Variants in ATP2B1 observed in about 807,000 individuals in gnomAD.
The protein encoded by ATP2B1 is plasma membrane calcium-transporting ATPase 1.
ATP2B1 carries 14 observed loss-of-function variants against 124.2 expected under a neutral mutation model. That is an observed-to-expected ratio of 0.11 (90% CI 0.07 to 0.18). The LOEUF (loss-of-function observed/expected upper bound fraction) is 0.18, where lower values mean the gene tolerates loss of function less well. Ranked by LOEUF, ATP2B1 falls within the 10% of genes least tolerant of loss-of-function variation. ATP2B1 has a pLI of 1.00. For missense variants in ATP2B1, 763 were observed against 1,466.1 expected (o/e 0.52, Z 7.83); for synonymous variants, 449 against 492.4 (o/e 0.91, Z 1.17).
chr12:89,653,366 G>A (rs1210628263), intron 2 of ATP2B1, among the ~76,000 whole-genome samples: 5 of 137,966 alleles, frequency 3.6e-5, no homozygotes, highest in South Asian at 4.5e-4. Context: ...GCGCAATCTC[G>A]GCTCACTGCA....
At chr12:89,680,807 A>T (rs985245673) in intron 1 of ATP2B1, among the ~76,000 whole-genome samples, 6 of 151,644 alleles carry the variant, frequency 4.0e-5, no homozygotes, top group Non-Finnish European at 7.4e-5. Flanking sequence ...TTTAAAGATT[A>T]AAAAAAAATC....
intron 1 of ATP2B1, among the ~76,000 whole-genome samples, chr12:89,672,466 C>A (rs1888113236): frequency 6.6e-6 from 1 of 152,080 alleles, no homozygotes; most frequent in South Asian, 2.1e-4. Context: ...AAAATAAAAA[C>A]AATTTTAAAA....
At chr12:89,634,556 T>G (rs902463893) in intron 5 of ATP2B1, among the ~76,000 whole-genome samples, 1 of 152,210 alleles carries the variant, frequency 6.6e-6, no homozygotes, top group Non-Finnish European at 1.5e-5. Flanking sequence ...CTTGATTTTT[T>G]GGACTCTGGT....
In ATP2B1 at chr12:89,590,263, T is replaced by C. The variant is rs188331243; in HGVS notation, c.*721A>G. 7.1e-4 allele frequency: 108 copies of C among 152,638 alleles called. No homozygotes were observed. Among genetic ancestry groups the C allele is most frequent in the African/African-American group, 2.4e-3 (100 of 41,556 alleles). 9.5% of individuals were successfully genotyped at this position (152,638 alleles called of 1,614,324 possible). ...TGTCATAACTTCATTAGAACACCAC[T>C]GCTCATGTTTTTTTGTTTTGTTTTG... On this transcript the variant is annotated 3_prime_UTR_variant, in exon 21 of 21. Transcript: ENST00000428670.
intron 12 of ATP2B1, among the ~76,000 whole-genome samples, chr12:89,613,363 C>T (rs1305602572): frequency 6.6e-6 from 1 of 152,118 alleles, no homozygotes; most frequent in East Asian, 1.9e-4. Flanking sequence ...TTAAGATTTA[C>T]ATCATAAAAG....
intron 1 of ATP2B1, among the ~76,000 whole-genome samples, chr12:89,675,200 TGAAAAAGGGAAAAGA>T (rs1888459777): frequency 6.6e-6 from 1 of 152,130 alleles, no homozygotes; most frequent in South Asian, 2.1e-4. Context: ...ACACAAAGAC[TGAAAAAGGGAAAAGA>T]TCCCGTCTAG....
chr12:89,629,847 G>C lies in ATP2B1; in HGVS notation c.928+658C>G, dbSNP rs1881562380. 1.3e-5 allele frequency among the ~76,000 whole-genome samples: 2 copies of C among 152,218 alleles called. 1 individual carries two copies. Among genetic ancestry groups the C allele is most frequent in the South Asian group, 4.1e-4 (2 of 4,822 alleles). On this transcript the variant is annotated intron_variant, in intron 6 of 20. Transcript: ENST00000428670. ...CAGACACTTAGAAGCAGGGTGGGGA[G>C]GGCTTTTTAAAAGTGGCATGCCCCT...
intron 6 of ATP2B1, 48 bp from the exon 7 acceptor site, chr12:89,627,764 A>T: frequency 6.4e-7 from 1 of 1,572,666 alleles, no homozygotes; most frequent in Non-Finnish European, 8.7e-7. Flanking sequence ...AAATGAATAC[A>T]GCCATGCTAA....
intron 2 of ATP2B1, among the ~76,000 whole-genome samples, chr12:89,654,138 C>G (rs1456293076): frequency 2.0e-5 from 3 of 152,180 alleles, no homozygotes; most frequent in Non-Finnish European, 4.4e-5. Context: ...TATATAACAT[C>G]TCAAAGTCGG....
intron 20 of ATP2B1, among the ~76,000 whole-genome samples, chr12:89,592,593 G>A (rs1198345466): frequency 1.3e-5 from 2 of 151,988 alleles, no homozygotes; most frequent in Non-Finnish European, 2.9e-5. Context: ...AGAGAGTACA[G>A]CATAGTCAAC....
chr12:89,603,693 T>C lies in ATP2B1; in HGVS notation c.2848+19A>G, dbSNP rs1448945250. ...AAAGAAACAATTAACTGAAGCTTTA[T>C]TAGACACTGAATTCTTACCAGCAAA... On this transcript the variant is annotated intron_variant, in intron 17 of 20. Transcript: ENST00000428670. The surrounding 1 kb of genome is among the most constrained non-coding windows in gnomAD (Gnocchi z 4.3). The C allele has an allele frequency of 1.3e-6, 2 of 1,599,150 alleles. No individual in the cohort carries two copies. Among genetic ancestry groups the C allele is most frequent in the Non-Finnish European group, 1.7e-6 (2 of 1,166,492 alleles).
rs547064695 is a variant in ATP2B1, at chr12:89,603,957, A to C, written c.2635-32T>G. ...AAGATATGTTTCCTAATAGACATTCACAACTACTCAGGGGCTCAGCAATTC... is the reference window on the plus strand; with the variant it reads ...AAGATATGTTTCCTAATAGACATTCCCAACTACTCAGGGGCTCAGCAATTC... On this transcript the variant is annotated intron_variant, in intron 16 of 20. Transcript: ENST00000428670. This position sits in a 1 kb window ranked among gnomAD's most constrained non-coding sequence, Gnocchi z 4.3. 7 of 1,600,360 alleles carry C rather than the reference A, an allele frequency of 4.4e-6. No individual in the cohort carries two copies. Among genetic ancestry groups the C allele is most frequent in the Middle Eastern group, 1.7e-4 (1 of 6,016 alleles).
At chr12:89,613,312 T>A (rs1482268469) in intron 12 of ATP2B1, among the ~76,000 whole-genome samples, 2 of 152,178 alleles carry the variant, frequency 1.3e-5, no homozygotes, top group African/African-American at 4.8e-5. Context: ...ATGTATGCAA[T>A]GTAATTAATT....
At chr12:89,692,103 C>T (rs1200370895) in intron 1 of ATP2B1, among the ~76,000 whole-genome samples, 1 of 151,934 alleles carries the variant, frequency 6.6e-6, no homozygotes, top group Non-Finnish European at 1.5e-5. Context: ...TCTAATGAAA[C>T]CTATACACTT....
intron 1 of ATP2B1, among the ~76,000 whole-genome samples, chr12:89,675,840 TGTAAA>T (rs1487865290): frequency 6.6e-6 from 1 of 152,196 alleles, no homozygotes; most frequent in Non-Finnish European, 1.5e-5. Flanking sequence ...CTACTTTTAC[TGTAAA>T]GTTTCCTGAC....
intron 10 of ATP2B1, among the ~76,000 whole-genome samples, chr12:89,621,203 T>C (rs916781188): frequency 6.6e-6 from 1 of 152,116 alleles, no homozygotes; most frequent in Non-Finnish European, 1.5e-5. Context: ...TTAAAAATTT[T>C]CTGTAAGTTG....
At chr12:89,620,743 T>C (rs183141630) in intron 10 of ATP2B1, among the ~76,000 whole-genome samples, 95 of 152,284 alleles carry the variant, frequency 6.2e-4, no homozygotes, top group Non-Finnish European at 9.0e-4. Flanking sequence ...CCTTCAGAAA[T>C]ACCACTTTAC....
At chr12:89,707,750 A>T (rs1250962187) in intron 1 of ATP2B1, among the ~76,000 whole-genome samples, 1 of 152,128 alleles carries the variant, frequency 6.6e-6, no homozygotes, top group Non-Finnish European at 1.5e-5. Flanking sequence ...GGTGAATGAA[A>T]TGCGCACAGA....
At chr12:89,680,394 A>C (rs1889190635) in intron 1 of ATP2B1, among the ~76,000 whole-genome samples, 3 of 152,216 alleles carry the variant, frequency 2.0e-5, no homozygotes. Flanking sequence ...GAAGAAATAC[A>C]ATGACACCTG....
Sources: allele counts gnomAD v4.1 joint callset (sites outside exome capture counted in the v4.1 genomes callset), GRCh38; gene constraint gnomAD v4.1.1; non-coding constraint Gnocchi (gnomAD v3.1); transcripts MANE v1.5; gene names NCBI Gene and HGNC (gene_info 2026-07-23, HGNC 2026-07-21).